PRDM16: variants seen among roughly 807,000 people sequenced by gnomAD.
The protein encoded by PRDM16 is histone-lysine N-methyltransferase PRDM16.
Under a neutral mutation model 110.6 loss-of-function variants are expected in PRDM16, and 23 were observed. The observed-to-expected ratio is 0.21, with a 90% CI of 0.15 to 0.29. PRDM16 has a LOEUF of 0.29. Ranked by LOEUF, PRDM16 falls within the 10% of genes least tolerant of loss-of-function variation. The probability of loss-of-function intolerance (pLI) is 1.00; values close to 1 mark genes in which losing one functional copy is unlikely to be tolerated. For synonymous variants in PRDM16, 799 were observed against 781.8 expected (o/e 1.02, Z -0.37); for missense variants, 1,615 against 1,794.3 (o/e 0.90, Z 1.81).
intron 1 of PRDM16, among the ~76,000 whole-genome samples, chr1:3,149,944 G>T (rs1480526655): frequency 6.6e-6 from 1 of 152,162 alleles, no homozygotes; most frequent in Admixed American, 6.5e-5. Context: ...GTTCAAGGAG[G>T]CAGGAGCCCC....
intron 1 of PRDM16, among the ~76,000 whole-genome samples, chr1:3,118,205 A>G (rs1012784123): frequency 2.0e-5 from 3 of 151,790 alleles, no homozygotes; most frequent in African/African-American, 4.8e-5. Context: ...GTACACACGC[A>G]CACACGCACA....
intron 1 of PRDM16, among the ~76,000 whole-genome samples, chr1:3,108,616 C>T (rs1340682774): frequency 6.6e-6 from 1 of 152,198 alleles, no homozygotes; most frequent in Non-Finnish European, 1.5e-5. Flanking sequence ...AGGTGCTGTC[C>T]TCTGCTTTTG....
intron 12 of PRDM16, among the ~76,000 whole-genome samples, chr1:3,423,158 C>T (rs1480386072): frequency 2.0e-5 from 3 of 152,176 alleles, no homozygotes; most frequent in Non-Finnish European, 2.9e-5. Context: ...TATGCCTCGG[C>T]CAGGCGTGGG....
At chr1:3,239,949 G>T (rs1274402154) in intron 2 of PRDM16, among the ~76,000 whole-genome samples, 1 of 150,916 alleles carries the variant, frequency 6.6e-6, no homozygotes, top group Non-Finnish European at 1.5e-5. Flanking sequence ...CGGGGAGAGA[G>T]AGAGAGAAGA....
At chr1:3,107,429 A>G (rs1642683823) in intron 1 of PRDM16, among the ~76,000 whole-genome samples, 1 of 152,144 alleles carries the variant, frequency 6.6e-6, no homozygotes, top group Non-Finnish European at 1.5e-5. Flanking sequence ...CGGGATTTGG[A>G]AGCCAGCAGT....
chr1:3,258,408 T>C (rs1640093751), intron 3 of PRDM16, among the ~76,000 whole-genome samples: 1 of 152,224 alleles, frequency 6.6e-6, no homozygotes, highest in Non-Finnish European at 1.5e-5. Flanking sequence ...AATAATACTC[T>C]CTTTCAGCGT....
At chr1:3,379,153 C>T (rs1569618437) in intron 3 of PRDM16, among the ~76,000 whole-genome samples, 2 of 126,380 alleles carry the variant, frequency 1.6e-5, no homozygotes, top group Non-Finnish European at 3.4e-5. Flanking sequence ...CCAGCACACC[C>T]CTCCCAGCAC....
At chr1:3,235,045 C>T (rs993879690) in intron 2 of PRDM16, among the ~76,000 whole-genome samples, 1 of 152,256 alleles carries the variant, frequency 6.6e-6, no homozygotes, top group African/African-American at 2.4e-5. Context: ...ACACCACCTT[C>T]CCAGCACAGA....
rs993749002 is a variant in PRDM16 at position 3,318,050 on chromosome 1, G to A, written c.439-67102G>A. On this transcript the variant is annotated intron_variant, in intron 3 of 16. Transcript: ENST00000270722. ...CACGGCGGCTCCGAGGCCTGTCCCC[G>A]GAGCATCACAGCGAGCCTCGCAAAG... 1.7e-4 allele frequency among the ~76,000 whole-genome samples: 26 copies of A among 152,272 alleles called. No individual in the cohort carries two copies. In the East Asian group the frequency reaches 3.5e-3, roughly 20 times the overall value.
rs772071232 is a variant in PRDM16 at position 3,246,323 on chromosome 1, G to A, written c.438+2186G>A. Among the ~76,000 whole-genome samples, 11 of 152,174 alleles carry A rather than the reference G, an allele frequency of 7.2e-5. No individual in the cohort carries two copies. Among genetic ancestry groups the A allele is most frequent in the Non-Finnish European group, 1.2e-4 (8 of 68,026 alleles). On this transcript the variant is annotated intron_variant, in intron 3 of 16. Coordinates refer to ENST00000270722, the MANE Select transcript of PRDM16 (RefSeq NM_022114.4). The surrounding 1 kb of genome is among the most constrained non-coding windows in gnomAD (Gnocchi z 5.2). ...CCAGGGCAGCAGGCATCCCTCTGACGCAGGCCCTTGGAAAGCAGGTTGAGA... is the reference window on the plus strand; with the variant it reads ...CCAGGGCAGCAGGCATCCCTCTGACACAGGCCCTTGGAAAGCAGGTTGAGA...
chr1:3,367,556 G>C (rs1642837991), intron 3 of PRDM16, among the ~76,000 whole-genome samples: 1 of 152,184 alleles, frequency 6.6e-6, no homozygotes, highest in Non-Finnish European at 1.5e-5. Context: ...TGTGACAGCT[G>C]CCGGCCCAAC....
At chr1:3,216,842 C>T (rs1028301831) in intron 2 of PRDM16, among the ~76,000 whole-genome samples, 2 of 152,218 alleles carry the variant, frequency 1.3e-5, no homozygotes, top group Non-Finnish European at 2.9e-5. Context: ...GCCAGTCATC[C>T]GTGACTGCCA....
chr1:3,384,398 G>A (rs1033007940), intron 3 of PRDM16, among the ~76,000 whole-genome samples: 42 of 152,188 alleles, frequency 2.8e-4, no homozygotes, highest in African/African-American at 9.4e-4. Context: ...CGCCACCCAT[G>A]GTCAGGCTGT....
intron 3 of PRDM16, among the ~76,000 whole-genome samples, chr1:3,289,309 A>G (rs1043919965): frequency 6.6e-5 from 10 of 152,210 alleles, no homozygotes; most frequent in African/African-American, 1.7e-4. Flanking sequence ...GGAGGGGGTC[A>G]GCTTGGAAAT....
intron 1 of PRDM16, among the ~76,000 whole-genome samples, chr1:3,178,233 G>C (rs896409069): frequency 1.3e-5 from 2 of 152,212 alleles, no homozygotes; most frequent in African/African-American, 2.4e-5. Flanking sequence ...AGCAGTTGCA[G>C]GGGCAGCTTT....
chr1:3,430,654 C>T (rs1187310793), intron 14 of PRDM16, among the ~76,000 whole-genome samples: 2 of 152,266 alleles, frequency 1.3e-5, no homozygotes, highest in Non-Finnish European at 1.5e-5. Flanking sequence ...CCGCCCCGAG[C>T]GCTTGCCCTC....
chr1:3,396,629 G>T, intron 5 of PRDM16, 36 bp downstream of exon 5: 1 of 955,802 alleles, frequency 1.0e-6, no homozygotes, highest in Non-Finnish European at 1.6e-6. Flanking sequence ...CACGGCCCCT[G>T]GGAGCCCCCA....
intron 2 of PRDM16, among the ~76,000 whole-genome samples, chr1:3,230,091 C>G (rs1200336960): frequency 1.3e-5 from 2 of 152,204 alleles, no homozygotes; most frequent in Non-Finnish European, 1.5e-5. Context: ...ATCCCTGGAC[C>G]CCTACAGGGT....
chr1:3,196,582 A>T (rs1264814558), intron 2 of PRDM16, among the ~76,000 whole-genome samples: 1 of 152,118 alleles, frequency 6.6e-6, no homozygotes, highest in African/African-American at 2.4e-5. Flanking sequence ...GTGGCACCAG[A>T]GAGGGGTTCA....
Sources: gnomAD v4.1 joint callset for allele counts (sites outside exome capture counted in the v4.1 genomes callset) on GRCh38, gnomAD v4.1.1 for gene constraint, Gnocchi (gnomAD v3.1) non-coding constraint, MANE v1.5 for transcripts, NCBI Gene and HGNC (gene_info 2026-07-23, HGNC 2026-07-21) for gene names.